MOK: variants seen among roughly 807,000 people sequenced by gnomAD.
MOK encodes MAPK/MAK/MRK overlapping kinase.
Under a neutral mutation model 54.2 loss-of-function variants are expected in MOK, and 59 were observed. The ratio of observed to expected loss-of-function variants is 1.09; its 90% CI spans 0.88 to 1.35. The LOEUF (loss-of-function observed/expected upper bound fraction) is 1.35, where lower values mean the gene tolerates loss of function less well. MOK is among the 40% of genes most tolerant of loss of function. The probability of loss-of-function intolerance (pLI) is 0.00; values close to 1 mark genes in which losing one functional copy is unlikely to be tolerated. For synonymous variants in MOK, 210 were observed against 202.7 expected (o/e 1.04, Z -0.31); for missense variants, 517 against 526.2 (o/e 0.98, Z 0.17).
rs555418556 is a variant in MOK at position 102,236,242 on chromosome 14, G to A, written c.591-2453C>T. On this transcript the variant is annotated intron_variant, in intron 7 of 11. Transcript: ENST00000361847. This position sits in a 1 kb window ranked among gnomAD's most constrained non-coding sequence, Gnocchi z 4.5. ...AGGACTGACCGGGCCCAGGGCCCCC[G>A]GCCCCATCTGCCATCACTGCATTGG... is the stretch of plus-strand genomic sequence containing the variant. 1.5e-4 allele frequency among the ~76,000 whole-genome samples: 23 copies of A among 152,320 alleles called. No individual in the cohort carries two copies. Among genetic ancestry groups the A allele is most frequent in the Admixed American group, 2.6e-4 (4 of 15,302 alleles).
intron 2 of MOK, among the ~76,000 whole-genome samples, chr14:102,275,222 G>GA (rs997942080): frequency 1.1e-4 from 17 of 152,170 alleles, no homozygotes; most frequent in East Asian, 3.9e-4. Flanking sequence ...TCATTTGGGG[G>GA]AAAAAACTGA....
At chr14:102,276,323 A>G (rs1413076472) in intron 2 of MOK, among the ~76,000 whole-genome samples, 1 of 151,108 alleles carries the variant, frequency 6.6e-6, no homozygotes, top group Admixed American at 6.6e-5. Context: ...TCTCTACTAA[A>G]AAATACAAAA....
chr14:102,262,925 A>G (rs891989294), intron 4 of MOK, among the ~76,000 whole-genome samples: 3 of 152,234 alleles, frequency 2.0e-5, no homozygotes, highest in East Asian at 1.9e-4. Flanking sequence ...TAACACAACC[A>G]TTAGTCAGAC....
intron 1 of MOK, among the ~76,000 whole-genome samples, chr14:102,302,601 G>C (rs534562283): frequency 6.6e-6 from 1 of 151,304 alleles, no homozygotes; most frequent in African/African-American, 2.4e-5. Context: ...ATTTTTAGTA[G>C]AGCCGGGGTT....
At chr14:102,280,587 G>A (rs1284419245) in intron 2 of MOK, 2 of 152,188 alleles carry the variant, frequency 1.3e-5, no homozygotes, top group Non-Finnish European at 2.9e-5. Context: ...GAAATACAAC[G>A]AATGATTCTG....
chr14:102,294,254 G>T (rs1224176861), intron 1 of MOK, among the ~76,000 whole-genome samples: 1 of 152,036 alleles, frequency 6.6e-6, no homozygotes, highest in African/African-American at 2.4e-5. Context: ...ACACCATCCT[G>T]GCTAACATGG....
chr14:102,265,983 TC>T, intron 2 of MOK, 71 bp from the exon 3 acceptor site: 1 of 1,084,790 alleles, frequency 9.2e-7, no homozygotes, highest in Non-Finnish European at 1.4e-6. Flanking sequence ...TTACTTATTA[TC>T]CAGGATCACA....
At chr14:102,287,385 C>T (rs1363065862) in intron 1 of MOK, among the ~76,000 whole-genome samples, 1 of 152,108 alleles carries the variant, frequency 6.6e-6, no homozygotes, top group Non-Finnish European at 1.5e-5. Context: ...GGGCAGATCA[C>T]GAGGTCAGGA....
Position 102,229,310 on chromosome 14 carries a change from T to G in MOK, c.1239A>C (p.Ile413=), listed in dbSNP as rs769361850. ...TCAGTTATCTTCCGCCTTTCCGCACTATGGTGGGCAGGCGACACTGCTGCG... is the reference window on the plus strand; with the variant it reads ...TCAGTTATCTTCCGCCTTTCCGCACGATGGTGGGCAGGCGACACTGCTGCG... ...PAPQQCRLPT[I]VRKGGR is the part of the protein sequence containing the mutation. Residue 413 remains isoleucine (I), a synonymous_variant, in exon 12 of 12, where the codon ATA becomes ATC. Coordinates refer to ENST00000361847, the MANE Select transcript of MOK (RefSeq NM_014226.3). 2 of 1,610,710 alleles carry G rather than the reference T, an allele frequency of 1.2e-6. No homozygotes were observed. The highest frequency in any genetic ancestry group is 2.2e-5 in the South Asian group (2 of 90,692).
Position 102,235,898 on chromosome 14 carries a change from A to C in MOK, c.591-2109T>G, listed in dbSNP as rs970004519. On this transcript the variant is annotated intron_variant, in intron 7 of 11. Coordinates refer to ENST00000361847, the MANE Select transcript of MOK (RefSeq NM_014226.3). The surrounding 1 kb of genome is among the most constrained non-coding windows in gnomAD (Gnocchi z 4.4). ...GAGCAAAATAAATTAGATAAAGCCC[A>C]AAGAGATCGTGCTAAATACCAGCTT... Among the ~76,000 whole-genome samples the C allele has an allele frequency of 6.6e-6, 1 of 150,500 alleles. No homozygotes were observed. Among genetic ancestry groups the C allele is most frequent in the Non-Finnish European group, 1.5e-5 (1 of 68,034 alleles).
Position 102,259,606 on chromosome 14 carries a change from G to T in MOK, c.283+3940C>A, listed in dbSNP as rs561257965. On this transcript the variant is annotated intron_variant, in intron 4 of 11. Coordinates refer to ENST00000361847, the MANE Select transcript of MOK (RefSeq NM_014226.3). The stretch of plus-strand genomic sequence containing the variant: ...GCCAACCACACAGGGTTGTCATGAG[G>T]CGGTATGGGTGGTGGTTAAGAACAT... Among the ~76,000 whole-genome samples the T allele has an allele frequency of 5.8e-4, 89 of 152,290 alleles. 1 individual carries two copies. The highest frequency in any genetic ancestry group is 2.1e-3 in the African/African-American group (86 of 41,568).
downstream of MOK, among the ~76,000 whole-genome samples, chr14:102,221,432 C>T (rs762916472): frequency 4.6e-5 from 7 of 152,182 alleles, no homozygotes; most frequent in East Asian, 1.9e-4. The surrounding 1 kb of genome is among the most constrained non-coding windows in gnomAD (Gnocchi z 4.8). Flanking sequence ...AGACTGTCTG[C>T]GGCAGAAGTG....
chr14:102,259,684 G>A (rs2067231282), intron 4 of MOK, among the ~76,000 whole-genome samples: 2 of 152,064 alleles, frequency 1.3e-5, no homozygotes, highest in African/African-American at 2.4e-5. Context: ...CACTTACTAG[G>A]TATATAACCT....
intron 2 of MOK, 28 bp downstream of exon 2, chr14:102,283,450 T>G (rs761032493): frequency 6.8e-7 from 1 of 1,460,816 alleles, no homozygotes; most frequent in Non-Finnish European, 9.4e-7. Context: ...GATCTGTGTT[T>G]GGTCCCAAGT....
At chr14:102,265,724 A>T (rs1166208048) in intron 3 of MOK, 99 bp downstream of exon 3, 2 of 964,482 alleles carry the variant, frequency 2.1e-6, no homozygotes, top group Non-Finnish European at 3.2e-6. Context: ...TCTCTGAGCT[A>T]CAAAGTAAAT....
chr14:102,277,086 G>C (rs904656330), intron 2 of MOK, among the ~76,000 whole-genome samples: 9 of 143,988 alleles, frequency 6.3e-5, no homozygotes, highest in African/African-American at 2.3e-4. Context: ...ATACAGACCA[G>C]GCTATATGTC....
At chr14:102,252,073 T>A in intron 4 of MOK, 78 bp from the exon 5 acceptor site, 1 of 876,306 alleles carries the variant, frequency 1.1e-6, no homozygotes, top group Admixed American at 2.4e-5. Flanking sequence ...TAATCTATTT[T>A]TATTTAACAA....
chr14:102,302,068 A>G (rs1359191355), intron 1 of MOK, among the ~76,000 whole-genome samples: 2 of 150,284 alleles, frequency 1.3e-5, no homozygotes, highest in African/African-American at 2.4e-5. Context: ...TGTAAATTTT[A>G]TATGTATACA....
At chr14:102,262,006 A>G (rs952118780) in intron 4 of MOK, among the ~76,000 whole-genome samples, 2 of 149,534 alleles carry the variant, frequency 1.3e-5, no homozygotes, top group Non-Finnish European at 3.0e-5. Context: ...ACGCCCGGCT[A>G]ATTTTTTTGT....
Sources: gnomAD v4.1 joint callset for allele counts (sites outside exome capture counted in the v4.1 genomes callset) on GRCh38, gnomAD v4.1.1 for gene constraint, Gnocchi (gnomAD v3.1) non-coding constraint, MANE v1.5 for transcripts, NCBI Gene and HGNC (gene_info 2026-07-23, HGNC 2026-07-21) for gene names.